OR1J2: variants seen among roughly 807,000 people sequenced by gnomAD.
OR1J2 encodes the protein olfactory receptor family 1 subfamily J member 2, also known as olfactory receptor 1J2.
For synonymous variants in OR1J2, 142 were observed against 99.7 expected, an observed-to-expected ratio of 1.42 and a Z score of -2.52; for missense variants, 304 against 246.1, an observed-to-expected ratio of 1.24 and a Z score of -1.57.
At chr9:122,477,081 A>C in the OR1J2 span, 14 of 1,613,988 alleles carry the variant, frequency 8.7e-6, 1 homozygote, top group South Asian at 1.3e-4. Context: ...TCAACATGGG[A>C]GTGACTGCTG....
chr9:122,548,376 C>G, the OR1J2 span, among the ~76,000 whole-genome samples: 1 of 151,984 alleles, frequency 6.6e-6, no homozygotes, highest in Admixed American at 6.6e-5. Context: ...TGATAGTTTC[C>G]TCTAGTACAG....
chr9:122,579,338 A>T, the OR1J2 span, among the ~76,000 whole-genome samples: 1 of 152,144 alleles, frequency 6.6e-6, no homozygotes, highest in Non-Finnish European at 1.5e-5. Context: ...ATTGAATTTT[A>T]AAAATTGAAT....
At chr9:122,451,440 C>T in the OR1J2 span, among the ~76,000 whole-genome samples, 1 of 152,112 alleles carries the variant, frequency 6.6e-6, no homozygotes, top group East Asian at 1.9e-4. Flanking sequence ...CAGCCTTGGC[C>T]TCCCAAAGTG....
chr9:122,554,438 T>C, the OR1J2 span, among the ~76,000 whole-genome samples: 1 of 152,150 alleles, frequency 6.6e-6, no homozygotes, highest in Non-Finnish European at 1.5e-5. Flanking sequence ...ATATTAGCCA[T>C]AGTGAACAAG....
At chr9:122,449,568 G>A in the OR1J2 span, among the ~76,000 whole-genome samples, 1 of 151,866 alleles carries the variant, frequency 6.6e-6, no homozygotes, top group African/African-American at 2.4e-5. Context: ...ACAGGTTTTC[G>A]CCATGTTAGC....
chr9:122,506,835 G>A (rs1042461752), upstream of OR1J2, among the ~76,000 whole-genome samples: 4 of 152,090 alleles, frequency 2.6e-5, no homozygotes, highest in East Asian at 5.8e-4. Context: ...AAAGATGAAC[G>A]AAGAGAGAGA....
chr9:122,571,229 G>A, the OR1J2 span, among the ~76,000 whole-genome samples: 2 of 152,104 alleles, frequency 1.3e-5, no homozygotes, highest in African/African-American at 4.8e-5. Context: ...GAACACTAAT[G>A]AGGGACTGGT....
chr9:122,481,716 G>A, the OR1J2 span, among the ~76,000 whole-genome samples: 5 of 152,248 alleles, frequency 3.3e-5, 1 homozygote, highest in South Asian at 6.2e-4. Flanking sequence ...GCAAGTATAC[G>A]AAGAAAAGGA....
chr9:122,536,924 A>G, the OR1J2 span, among the ~76,000 whole-genome samples: 2 of 152,104 alleles, frequency 1.3e-5, no homozygotes, highest in African/African-American at 2.4e-5. Context: ...CTATATGTCT[A>G]TTTTTGTAAT....
the OR1J2 span, among the ~76,000 whole-genome samples, chr9:122,485,938 A>C: frequency 6.6e-6 from 1 of 151,744 alleles, no homozygotes; most frequent in Non-Finnish European, 1.5e-5. Context: ...TTTTCAAATA[A>C]TATTCACCTG....
chr9:122,506,291 C>T (rs1408181331), upstream of OR1J2, among the ~76,000 whole-genome samples: 3 of 152,080 alleles, frequency 2.0e-5, no homozygotes, highest in Non-Finnish European at 4.4e-5. Context: ...CTAACGTTCC[C>T]AGGACAAATA....
the OR1J2 span, among the ~76,000 whole-genome samples, chr9:122,497,564 T>G: frequency 2.0e-5 from 3 of 152,314 alleles, no homozygotes; most frequent in East Asian, 5.8e-4. Context: ...CTCTTTTTTT[T>G]GTTAATCTAG....
At chr9:122,484,046 TAATC>T in the OR1J2 span, among the ~76,000 whole-genome samples, 37 of 151,068 alleles carry the variant, frequency 2.4e-4, 2 homozygotes, top group Admixed American at 2.2e-3. Flanking sequence ...CTTCATGAAG[TAATC>T]AATATTAGGA....
At chr9:122,523,506 G>A in the OR1J2 span, among the ~76,000 whole-genome samples, 1 of 152,060 alleles carries the variant, frequency 6.6e-6, no homozygotes, top group African/African-American at 2.4e-5. Flanking sequence ...GGAGTGCCTT[G>A]AATCAAGATG....
the OR1J2 span, among the ~76,000 whole-genome samples, chr9:122,473,538 T>C: frequency 6.6e-6 from 1 of 152,220 alleles, no homozygotes; most frequent in East Asian, 1.9e-4. Flanking sequence ...AAGAATTCTT[T>C]GTTTTCCTAT....
At chr9:122,477,820 A>G in the OR1J2 span, 1 of 1,614,040 alleles carries the variant, frequency 6.2e-7, no homozygotes, top group Non-Finnish European at 8.5e-7. Flanking sequence ...CACCGTGGTC[A>G]GGTACATGCC....
the OR1J2 span, chr9:122,475,128 C>T: frequency 1.3e-5 from 2 of 152,322 alleles, no homozygotes; most frequent in East Asian, 3.9e-4. Flanking sequence ...TGGGCTACAC[C>T]CTCCTCCATC....
At chr9:122,447,456 G>A in the OR1J2 span, 1 of 152,170 alleles carries the variant, frequency 6.6e-6, no homozygotes, top group African/African-American at 2.4e-5. Context: ...GGAGTCATCT[G>A]TCTTCTATGG....
chr9:122,448,178 A>T, the OR1J2 span, among the ~76,000 whole-genome samples: 57 of 152,332 alleles, frequency 3.7e-4, no homozygotes, highest in African/African-American at 1.3e-3. Flanking sequence ...GGAGAAGGTC[A>T]CCAAGAAAAC....
Sources: allele counts gnomAD v4.1 joint callset (sites outside exome capture counted in the v4.1 genomes callset), GRCh38; gene constraint gnomAD v4.1.1; transcripts MANE v1.5; gene names NCBI Gene and HGNC (gene_info 2026-07-23, HGNC 2026-07-21).